The following CNTN5 variants were observed in gnomAD, a reference collection of about 807,000 sequenced individuals.
CNTN5 encodes contactin-5.
A neutral mutation model predicts 129.1 loss-of-function variants in CNTN5; 77 were observed. The ratio of observed to expected loss-of-function variants is 0.60; its 90% CI spans 0.50 to 0.72. The LOEUF (loss-of-function observed/expected upper bound fraction) is 0.72. CNTN5 is among the 30% of genes least tolerant of loss of function. The pLI is 0.00. For missense variants in CNTN5, 1,478 were observed against 1,328.8 expected, an observed-to-expected ratio of 1.11 and a Z score of -1.75; for synonymous variants, 509 against 465.6, an observed-to-expected ratio of 1.09 and a Z score of -1.20.
At chr11:99,588,100 T>C (rs1949860089) in intron 3 of CNTN5, among the ~76,000 whole-genome samples, 1 of 152,126 alleles carries the variant, frequency 6.6e-6, no homozygotes, top group African/African-American at 2.4e-5. Context: ...TCCCGGCACT[T>C]TGGGAGGCCG....
intron 3 of CNTN5, among the ~76,000 whole-genome samples, chr11:99,668,702 G>A (rs1444859829): frequency 6.6e-6 from 1 of 152,110 alleles, no homozygotes; most frequent in African/African-American, 2.4e-5. Flanking sequence ...GCCGAGGTGC[G>A]CAGATCGCTT....
chr11:99,044,983 T>G (rs926243168), intron 1 of CNTN5, among the ~76,000 whole-genome samples: 2 of 152,146 alleles, frequency 1.3e-5, no homozygotes, highest in Non-Finnish European at 2.9e-5. Context: ...ATGTATAAAA[T>G]GATAATACTA....
At chr11:99,077,693 T>A (rs1291505495) in intron 1 of CNTN5, among the ~76,000 whole-genome samples, 1 of 152,196 alleles carries the variant, frequency 6.6e-6, no homozygotes, top group African/African-American at 2.4e-5. Context: ...CAGGTGGAAG[T>A]AATTGACCCA....
chr11:99,627,129 G>A (rs540822178), intron 3 of CNTN5, among the ~76,000 whole-genome samples: 2 of 152,120 alleles, frequency 1.3e-5, no homozygotes, highest in African/African-American at 2.4e-5. Context: ...CTCGCTGTTC[G>A]TGTTGCAGGC....
At chr11:99,831,769 G>C (rs1947148195) in intron 4 of CNTN5, among the ~76,000 whole-genome samples, 1 of 152,142 alleles carries the variant, frequency 6.6e-6, no homozygotes, top group Non-Finnish European at 1.5e-5. Context: ...CATAGAATAA[G>C]AGAATATGAT....
chr11:100,309,546 A>G (rs1175118332), intron 21 of CNTN5: 16 of 978,732 alleles, frequency 1.6e-5, no homozygotes, highest in Non-Finnish European at 1.9e-5. Context: ...ATGATAATTT[A>G]GTATCTCATT....
At chr11:100,255,649 A>G (rs1950050054) in intron 16 of CNTN5, 111 bp from the exon 17 acceptor site, 1 of 899,158 alleles carries the variant, frequency 1.1e-6, no homozygotes, top group Non-Finnish European at 1.6e-6. Context: ...CTAAATTCAT[A>G]TTTCATTAAG....
At chr11:100,034,394 A>C (rs892889773) in intron 9 of CNTN5, among the ~76,000 whole-genome samples, 1 of 152,244 alleles carries the variant, frequency 6.6e-6, no homozygotes, top group Admixed American at 6.5e-5. Flanking sequence ...TCCAGTATCA[A>C]GTCTTGTTAG....
chr11:99,749,759 C>T (rs1944170369), intron 3 of CNTN5, among the ~76,000 whole-genome samples: 2 of 152,176 alleles, frequency 1.3e-5, no homozygotes, highest in South Asian at 4.1e-4. Flanking sequence ...TAGCACAACT[C>T]TTAAAGCAAG....
chr11:99,265,916 T>C lies in CNTN5; in HGVS notation c.-209-59430T>C, dbSNP rs77967480. ...TAGAATGATAAATAGAAGGTTAACA[T>C]TGAATTACTGAATTTGAATTTCAAT... On this transcript the variant is annotated intron_variant, in intron 1 of 24. Coordinates refer to ENST00000524871, the MANE Select transcript of CNTN5 (RefSeq NM_014361.4). Among the ~76,000 whole-genome samples the C allele has an allele frequency of 9.9e-5, 15 of 152,150 alleles. 1 individual carries two copies. The East Asian group carries it at 2.7e-3, about 27-fold the overall frequency.
At chr11:99,731,782 C>T (rs1301005170) in intron 3 of CNTN5, among the ~76,000 whole-genome samples, 1 of 152,066 alleles carries the variant, frequency 6.6e-6, no homozygotes, top group African/African-American at 2.4e-5. Context: ...TCTATACTCC[C>T]TTAGTTACTT....
At chr11:99,817,283 T>C (rs1209138062) in intron 3 of CNTN5, among the ~76,000 whole-genome samples, 1 of 152,206 alleles carries the variant, frequency 6.6e-6, no homozygotes, top group African/African-American at 2.4e-5. Context: ...TTCACATTAA[T>C]TGATGAAAAG....
intron 9 of CNTN5, among the ~76,000 whole-genome samples, chr11:100,055,842 TTCTC>T (rs144734838): frequency 2.0e-5 from 3 of 150,454 alleles, no homozygotes; most frequent in Admixed American, 6.7e-5. Flanking sequence ...TTACATAGTC[TTCTC>T]TCTCTCTCTC....
chr11:100,263,030 A>T (rs578110382), intron 17 of CNTN5, among the ~76,000 whole-genome samples: 11 of 152,206 alleles, frequency 7.2e-5, no homozygotes, highest in South Asian at 6.2e-4. Flanking sequence ...TATTTTAAAA[A>T]TTTTTTCATC....
chr11:100,184,229 A>G (rs1259897375), intron 13 of CNTN5, among the ~76,000 whole-genome samples: 5 of 152,148 alleles, frequency 3.3e-5, no homozygotes, highest in African/African-American at 1.2e-4. Context: ...ACATTTACAT[A>G]TATTATGTAA....
intron 2 of CNTN5, among the ~76,000 whole-genome samples, chr11:99,505,475 C>A (rs192918484): frequency 5.0e-4 from 76 of 152,196 alleles, no homozygotes; most frequent in Admixed American, 9.2e-4. Context: ...TTTTTGAGAG[C>A]TTAATAAATT....
At chr11:99,421,852 G>GA (rs562940757) in intron 2 of CNTN5, among the ~76,000 whole-genome samples, 194 of 147,708 alleles carry the variant, frequency 1.3e-3, no homozygotes, top group East Asian at 3.3e-3. Context: ...CTTTTACTAG[G>GA]AAAAAAAAAA....
At chr11:99,133,264 A>G (rs1460611359) in intron 1 of CNTN5, among the ~76,000 whole-genome samples, 1 of 152,196 alleles carries the variant, frequency 6.6e-6, no homozygotes, top group Non-Finnish European at 1.5e-5. Context: ...CTCAACATGG[A>G]TTAAAGACTT....
intron 1 of CNTN5, among the ~76,000 whole-genome samples, chr11:99,077,385 A>T (rs548244162): frequency 3.9e-5 from 6 of 152,184 alleles, no homozygotes; most frequent in Admixed American, 6.6e-5. Flanking sequence ...CTCCACTGAA[A>T]ACAAATAATT....
Sources: gnomAD v4.1 joint callset for allele counts (sites outside exome capture counted in the v4.1 genomes callset) on GRCh38, gnomAD v4.1.1 for gene constraint, MANE v1.5 for transcripts, NCBI Gene and HGNC (gene_info 2026-07-23, HGNC 2026-07-21) for gene names.